NELL1: variants seen among roughly 807,000 people sequenced by gnomAD.
NELL1 encodes protein kinase C-binding protein NELL1.
Under a neutral mutation model 107.4 loss-of-function variants are expected in NELL1, and 76 were observed. The ratio of observed to expected loss-of-function variants is 0.71; its 90% CI spans 0.59 to 0.86. The LOEUF (loss-of-function observed/expected upper bound fraction) is 0.86, where lower values mean the gene tolerates loss of function less well. Ranked by LOEUF, NELL1 falls within the 40% of genes least tolerant of loss-of-function variation. The pLI, the probability that NELL1 is intolerant of heterozygous loss-of-function variation, is 0.00. For missense variants in NELL1, 1,024 were observed against 1,005.5 expected (o/e 1.02, Z -0.25); for synonymous variants, 353 against 341.2 (o/e 1.03, Z -0.38).
intron 15 of NELL1, among the ~76,000 whole-genome samples, chr11:21,455,955 C>A (rs377636826): frequency 7.7e-6 from 1 of 130,370 alleles, no homozygotes; most frequent in African/African-American, 3.0e-5. Flanking sequence ...GTGGCATGAT[C>A]TCGGCTCACT....
At chr11:20,942,002 A>G (rs2896621) in intron 10 of NELL1, among the ~76,000 whole-genome samples, 14,860 of 152,224 alleles carry the variant, frequency 0.098, 914 homozygotes, top group East Asian at 0.28. Flanking sequence ...AGAAAAGACC[A>G]TCCTCGCAAG....
At chr11:21,500,456 T>C (rs1855107724) in intron 15 of NELL1, among the ~76,000 whole-genome samples, 1 of 152,150 alleles carries the variant, frequency 6.6e-6, no homozygotes, top group Admixed American at 6.5e-5. Context: ...CCGTGCAAGA[T>C]GTGAGCTTGT....
At chr11:21,231,482 C>T (rs895528899) in intron 14 of NELL1, among the ~76,000 whole-genome samples, 11 of 152,140 alleles carry the variant, frequency 7.2e-5, no homozygotes, top group South Asian at 2.1e-4. Context: ...GAAACAAAAA[C>T]GTTAATGTAA....
At chr11:21,543,389 C>T (rs1856342525) in intron 16 of NELL1, among the ~76,000 whole-genome samples, 1 of 151,956 alleles carries the variant, frequency 6.6e-6, no homozygotes, top group South Asian at 2.1e-4. Flanking sequence ...CAGAGGGCCT[C>T]AGTTGCATGA....
chr11:20,874,085 G>T lies in NELL1; in HGVS notation c.507-11359G>T, dbSNP rs1474827771. ...CGGTCTGAGTTTAGACTTTTTTTTT[G>T]AGACAGAGTTTCCCTCTTGTTGCCC... On this transcript the variant is annotated intron_variant, in intron 4 of 19. Coordinates refer to ENST00000357134, the MANE Select transcript of NELL1 (RefSeq NM_006157.5). Among the ~76,000 whole-genome samples, 3 of 151,280 alleles carry T rather than the reference G, an allele frequency of 2.0e-5. No individual in the cohort carries two copies. In the East Asian group the frequency reaches 5.9e-4, roughly 30 times the overall value.
intron 14 of NELL1, among the ~76,000 whole-genome samples, chr11:21,248,599 G>A (rs1858555833): frequency 1.3e-5 from 2 of 152,026 alleles, no homozygotes; most frequent in African/African-American, 4.8e-5. Context: ...GGAGAAAGTA[G>A]GTGGTGAGGA....
chr11:21,374,377 G>A (rs1235807283), intron 15 of NELL1, among the ~76,000 whole-genome samples: 1 of 152,032 alleles, frequency 6.6e-6, no homozygotes, highest in East Asian at 1.9e-4. Flanking sequence ...ATTGGCAGGA[G>A]GCCTCAGTTT....
intron 13 of NELL1, among the ~76,000 whole-genome samples, chr11:21,178,751 G>A (rs971636803): frequency 3.4e-5 from 5 of 146,684 alleles, no homozygotes; most frequent in Non-Finnish European, 6.0e-5. Context: ...GGGACAGAGT[G>A]AGAACTTGTC....
At chr11:21,277,689 C>T (rs565465779) in intron 14 of NELL1, among the ~76,000 whole-genome samples, 4 of 152,304 alleles carry the variant, frequency 2.6e-5, no homozygotes, top group Non-Finnish European at 4.4e-5. Context: ...GAAAATGTGG[C>T]ACGTATATAC....
intron 15 of NELL1, among the ~76,000 whole-genome samples, chr11:21,478,919 T>C (rs1330606766): frequency 2.0e-5 from 3 of 150,184 alleles, no homozygotes; most frequent in Non-Finnish European, 3.0e-5. Flanking sequence ...GATGTACAAA[T>C]AGCAAACAGG....
intron 14 of NELL1, among the ~76,000 whole-genome samples, chr11:21,338,922 T>A (rs1850499143): frequency 6.6e-6 from 1 of 152,174 alleles, no homozygotes; most frequent in South Asian, 2.1e-4. Context: ...TATGCATTTT[T>A]ATGGAGAAGG....
At chr11:21,357,144 C>T (rs1850952089) in intron 14 of NELL1, among the ~76,000 whole-genome samples, 1 of 152,144 alleles carries the variant, frequency 6.6e-6, no homozygotes, top group African/African-American at 2.4e-5. Flanking sequence ...CATAAAGTGA[C>T]TTCTTTTCCT....
chr11:21,497,590 A>G (rs1465796498), intron 15 of NELL1, among the ~76,000 whole-genome samples: 1 of 152,096 alleles, frequency 6.6e-6, no homozygotes, highest in East Asian at 1.9e-4. Context: ...AAATATTTTA[A>G]TATTTTGTTT....
intron 14 of NELL1, among the ~76,000 whole-genome samples, chr11:21,353,969 A>C (rs1850873450): frequency 6.6e-6 from 1 of 152,204 alleles, no homozygotes; most frequent in African/African-American, 2.4e-5. Flanking sequence ...TAATAAACCA[A>C]TGATGTCAAC....
At chr11:21,289,500 A>C (rs1041661219) in intron 14 of NELL1, among the ~76,000 whole-genome samples, 1 of 152,186 alleles carries the variant, frequency 6.6e-6, no homozygotes, top group Non-Finnish European at 1.5e-5. Flanking sequence ...TGCTTTTCCC[A>C]TGGTCTTCGC....
intron 14 of NELL1, among the ~76,000 whole-genome samples, chr11:21,230,362 C>G (rs1164406468): frequency 6.6e-6 from 1 of 152,198 alleles, no homozygotes; most frequent in East Asian, 1.9e-4. Context: ...AATGTAAGCT[C>G]CATGACAGTG....
rs1325613093 is a variant in NELL1, at chr11:20,740,665, G to A, written c.185-43015G>A. On this transcript the variant is annotated intron_variant, in intron 2 of 19. Coordinates refer to ENST00000357134, the MANE Select transcript of NELL1 (RefSeq NM_006157.5). ...GCCTTAAATAACTTTTCTTAATGTT[G>A]TCATGATGATGACAGGAATATCAGT... 2.6e-5 allele frequency among the ~76,000 whole-genome samples: 4 copies of A among 152,294 alleles called. No homozygotes were observed. In the East Asian group the frequency reaches 7.7e-4, roughly 29 times the overall value.
chr11:21,296,420 T>TCA (rs1554996257), intron 14 of NELL1, among the ~76,000 whole-genome samples: 1 of 101,272 alleles, frequency 9.9e-6, no homozygotes, highest in African/African-American at 3.3e-5. Flanking sequence ...CAATTCTGCA[T>TCA]TATATGTATA....
intron 11 of NELL1, among the ~76,000 whole-genome samples, chr11:20,952,546 T>G (rs1223581455): frequency 6.6e-6 from 1 of 152,044 alleles, no homozygotes; most frequent in Non-Finnish European, 1.5e-5. Flanking sequence ...TTAATGAGAG[T>G]GTAAACTAGT....
Sources: gnomAD v4.1 joint callset for allele counts (sites outside exome capture counted in the v4.1 genomes callset) on GRCh38, gnomAD v4.1.1 for gene constraint, MANE v1.5 for transcripts, NCBI Gene and HGNC (gene_info 2026-07-23, HGNC 2026-07-21) for gene names.